The following ANK3 variants were observed in gnomAD, a reference collection of about 807,000 sequenced individuals.
ANK3 encodes ankyrin 3.
ANK3 carries 57 observed loss-of-function variants against 370.9 expected under a neutral mutation model. The observed-to-expected ratio is 0.15, with a 90% confidence interval of 0.12 to 0.19. The LOEUF (loss-of-function observed/expected upper bound fraction) is 0.19. ANK3 is among the 10% of genes least tolerant of loss of function. ANK3 has a pLI of 1.00. For synonymous variants in ANK3, 1,929 were observed against 1,946.3 expected, an observed-to-expected ratio of 0.99 and a Z score of 0.23; for missense variants, 4,439 against 5,302.1, an observed-to-expected ratio of 0.84 and a Z score of 5.06.
At chr10:60,079,222 CA>C (rs1182596568) in intron 36 of ANK3, among the ~76,000 whole-genome samples, 8 of 149,288 alleles carry the variant, frequency 5.4e-5, no homozygotes, top group African/African-American at 1.5e-4. Flanking sequence ...CACACACACA[CA>C]CACCCCTCTT....
chr10:60,262,563 T>G (rs76146371), intron 6 of ANK3, among the ~76,000 whole-genome samples: 5,367 of 152,256 alleles, frequency 0.035, 308 homozygotes, highest in African/African-American at 0.12. Context: ...CCTTAAAAAA[T>G]GCTAAAACAT....
chr10:60,611,777 C>A (rs2078205148), intron 2 of ANK3, among the ~76,000 whole-genome samples: 1 of 150,534 alleles, frequency 6.6e-6, no homozygotes, highest in Non-Finnish European at 1.5e-5. Flanking sequence ...GCATCTAAAT[C>A]AAAGGCTTGC....
chr10:60,587,269 C>T (rs568408031), intron 2 of ANK3, among the ~76,000 whole-genome samples: 7 of 152,172 alleles, frequency 4.6e-5, no homozygotes, highest in South Asian at 2.1e-4. Context: ...AAACACCTGG[C>T]GATTACAATT....
At chr10:60,140,870 A>G (rs2094530519) in intron 23 of ANK3, 1 of 987,294 alleles carries the variant, frequency 1.0e-6, no homozygotes, top group Non-Finnish European at 1.2e-6. Flanking sequence ...GCGAAGTGCT[A>G]CATTTAATTA....
rs528309991 is a variant in ANK3 at position 60,616,056 on chromosome 10, G to A, written c.58-832C>T. On this transcript the variant is annotated intron_variant, in intron 1 of 43. Transcript: ENST00000373827. ...AACTACACTTGTGTACATTTCATTC[G>A]ACTCTATCAAAGGCTATTCAAATTG... 2.8e-4 allele frequency among the ~76,000 whole-genome samples: 43 copies of A among 152,084 alleles called. No homozygotes were observed. In the South Asian group the frequency reaches 8.5e-3, roughly 30 times the overall value.
intron 1 of ANK3, among the ~76,000 whole-genome samples, chr10:60,661,028 A>G (rs1373105991): frequency 6.6e-6 from 1 of 152,104 alleles, no homozygotes; most frequent in Admixed American, 6.6e-5. Flanking sequence ...GAACTATGGA[A>G]CCACCAAGAA....
At chr10:60,030,167 G>C (rs2073087960) in intron 43 of ANK3, among the ~76,000 whole-genome samples, 2 of 149,348 alleles carry the variant, frequency 1.3e-5, no homozygotes, top group South Asian at 4.2e-4. Context: ...TTTTGAGACG[G>C]AGTCTTGCTC....
chr10:60,308,528 G>A (rs571317232), intron 1 of ANK3, among the ~76,000 whole-genome samples: 7 of 152,020 alleles, frequency 4.6e-5, no homozygotes, highest in African/African-American at 1.2e-4. Flanking sequence ...TGCCTGCCTC[G>A]GCCTCCCAAA....
chr10:60,103,767 G>C (rs959802794), intron 28 of ANK3, among the ~76,000 whole-genome samples: 1 of 152,126 alleles, frequency 6.6e-6, no homozygotes, highest in African/African-American at 2.4e-5. Flanking sequence ...CCTTTGAATT[G>C]TCTAAAATGG....
At chr10:60,251,236 C>A (rs1390534787) in intron 7 of ANK3, among the ~76,000 whole-genome samples, 3 of 152,146 alleles carry the variant, frequency 2.0e-5, no homozygotes, top group African/African-American at 7.2e-5. Flanking sequence ...GCAGTGGGAG[C>A]TGAACAGAGC....
chr10:60,404,308 A>T (rs559791112), intron 2 of ANK3, among the ~76,000 whole-genome samples: 1 of 152,322 alleles, frequency 6.6e-6, no homozygotes, highest in South Asian at 2.1e-4. Context: ...AATAATAACA[A>T]AGTTGAAAGA....
At chr10:60,172,540 C>T in intron 20 of ANK3, 137 bp from the exon 21 acceptor site, 1 of 722,054 alleles carries the variant, frequency 1.4e-6, no homozygotes, top group Non-Finnish European at 2.4e-6. Flanking sequence ...TAGAGACATA[C>T]CTTGCACAAA....
intron 2 of ANK3, among the ~76,000 whole-genome samples, chr10:60,426,983 A>G (rs997810614): frequency 6.6e-6 from 1 of 152,140 alleles, no homozygotes; most frequent in Non-Finnish European, 1.5e-5. Context: ...TAAAACTGAG[A>G]GGACCCAATC....
chr10:60,088,069 A>G (rs574504388), intron 29 of ANK3, 78 bp downstream of exon 29: 283 of 1,165,684 alleles, frequency 2.4e-4, no homozygotes, highest in Non-Finnish European at 3.1e-4. Context: ...GGATGTTAGA[A>G]TAACTCTTTC....
chr10:60,670,001 T>C (rs2079046071), intron 1 of ANK3, among the ~76,000 whole-genome samples: 1 of 152,026 alleles, frequency 6.6e-6, no homozygotes, highest in South Asian at 2.1e-4. Flanking sequence ...TTTTTTTTCC[T>C]TTTAGTGGTA....
intron 2 of ANK3, among the ~76,000 whole-genome samples, chr10:60,589,565 T>C (rs142962757): frequency 6.6e-6 from 1 of 152,314 alleles, no homozygotes; most frequent in African/African-American, 2.4e-5. Flanking sequence ...CAGATGACTG[T>C]GGCTTGAAGC....
intron 43 of ANK3, among the ~76,000 whole-genome samples, chr10:60,032,954 G>T (rs1014948795): frequency 6.6e-6 from 1 of 152,198 alleles, no homozygotes; most frequent in African/African-American, 2.4e-5. Context: ...GGTATAAACT[G>T]TGATGACAGC....
intron 2 of ANK3, among the ~76,000 whole-genome samples, chr10:60,536,469 A>G (rs1186121735): frequency 6.6e-6 from 1 of 152,108 alleles, no homozygotes; most frequent in Non-Finnish European, 1.5e-5. Flanking sequence ...ATAAAGTTTT[A>G]CAAACTAAAC....
chr10:60,250,569 G>A (rs541333460), intron 7 of ANK3, among the ~76,000 whole-genome samples: 1 of 152,032 alleles, frequency 6.6e-6, no homozygotes, highest in Non-Finnish European at 1.5e-5. Flanking sequence ...GTTTCACCAT[G>A]TTAGCCAGGA....
Sources: allele counts gnomAD v4.1 joint callset (sites outside exome capture counted in the v4.1 genomes callset), GRCh38; gene constraint gnomAD v4.1.1; transcripts MANE v1.5; gene names NCBI Gene and HGNC (gene_info 2026-07-23, HGNC 2026-07-21).